The following CD33 variants were observed in gnomAD, a reference collection of about 807,000 sequenced individuals.
CD33 encodes the protein CD33 molecule.
Under a neutral mutation model 31.4 loss-of-function variants are expected in CD33, and 25 were observed. The ratio of observed to expected loss-of-function variants is 0.80; its 90% CI spans 0.58 to 1.11. The LOEUF (loss-of-function observed/expected upper bound fraction) is 1.11. CD33 is among the 50% of genes most tolerant of loss of function. CD33 has a pLI of 0.00. For missense variants in CD33, 407 were observed against 448.1 expected, an observed-to-expected ratio of 0.91 and a Z score of 0.83; for synonymous variants, 176 against 180.6, an observed-to-expected ratio of 0.97 and a Z score of 0.20.
Position 51,225,973 on chromosome 19 carries a change from C to T in CD33, c.589C>T (p.Leu197Phe), listed in dbSNP as rs1246223226. The part of the protein sequence containing the change: ...LGPRTTHSSV[L>F]IITPRPQDHG... Reference sequence around the variant, plus strand: ...CCCCAGGACTACTCACTCCTCGGTGCTCATAATCACCCCACGGCCCCAGGA... The same window carrying T: ...CCCCAGGACTACTCACTCCTCGGTGTTCATAATCACCCCACGGCCCCAGGA... Residue 197 changes from leucine to phenylalanine, a missense_variant, in exon 3 of 7, where the codon CTC (leucine) becomes TTC (phenylalanine). By Grantham distance (22) the Leu-to-Phe change is conservative. Transcript: ENST00000262262. 5 of 1,613,998 alleles carry T rather than the reference C, an allele frequency of 3.1e-6. No individual in the cohort carries two copies. In the Admixed American group the frequency reaches 5.0e-5, roughly 16 times the overall value.
intron 3 of CD33, 31 bp from the exon 4 acceptor site, chr19:51,226,278 A>C (rs1298534949): frequency 1.2e-6 from 2 of 1,607,910 alleles, no homozygotes. Flanking sequence ...CTCTACCCCC[A>C]ACTGAAGGAA....
Position 51,227,656 on chromosome 19 carries a change from C to T in CD33, c.745+1300C>T, listed in dbSNP as rs1599868198. Among the ~76,000 whole-genome samples, 7 of 152,218 alleles carry T rather than the reference C, an allele frequency of 4.6e-5. No individual in the cohort carries two copies. The South Asian group carries it at 1.5e-3, about 32-fold the overall frequency. ...ATGAATAGCTGACAAATATTTTCTCCTATTCTGTAGGTTGCCTTTTCACTC... is the reference window on the plus strand; with the variant it reads ...ATGAATAGCTGACAAATATTTTCTCTTATTCTGTAGGTTGCCTTTTCACTC... On this transcript the variant is annotated intron_variant, in intron 4 of 6. Coordinates refer to ENST00000262262, the MANE Select transcript of CD33 (RefSeq NM_001772.4).
At chr19:51,211,578 G>T in the CD33 span, 1 of 1,507,916 alleles carries the variant, frequency 6.6e-7, no homozygotes. Flanking sequence ...AGCTCTCTGT[G>T]CATGTGACAG....
At chr19:51,220,232 T>G (rs368071717), upstream of CD33, among the ~76,000 whole-genome samples, 10 of 152,354 alleles carry the variant, frequency 6.6e-5, no homozygotes, top group East Asian at 1.2e-3. Flanking sequence ...TGATTCAATC[T>G]TGGCAGAATC....
chr19:51,225,326 A>G lies in CD33; in HGVS notation c.146A>G (p.Tyr49Cys), dbSNP rs760134849. 3 of 1,614,028 alleles carry G rather than the reference A, an allele frequency of 1.9e-6. No individual in the cohort carries two copies. Among genetic ancestry groups the G allele is most frequent in the African/African-American group, 1.3e-5 (1 of 74,918 alleles). Reference protein sequence around the residue: ...VPCTFFHPIPYYDKNSPVHGY... With the variant: ...VPCTFFHPIPCYDKNSPVHGY... ...TGCACTTTCTTCCATCCCATACCCT[A>G]CTACGACAAGAACTCCCCAGTTCAT... The change falls in exon 2 of 7, where the codon TAC becomes TGC. Residue 49 changes from tyrosine (Y) to cysteine (C), a missense_variant. Tyr to Cys is a radical substitution (Grantham distance 194, BLOSUM62 -2). Transcript: ENST00000262262.
the CD33 span, chr19:51,212,168 C>G: frequency 2.2e-6 from 1 of 446,682 alleles, no homozygotes; most frequent in African/African-American, 2.1e-5. Flanking sequence ...TGGCTGTGTC[C>G]TAGAGGCCTG....
intron 4 of CD33, 21 bp downstream of exon 4, chr19:51,226,377 C>G (rs1408931491): frequency 1.2e-5 from 19 of 1,608,720 alleles, no homozygotes; most frequent in Non-Finnish European, 1.5e-5. Context: ...GCCTCCCCGC[C>G]TGGGGCTGTT....
upstream of CD33, among the ~76,000 whole-genome samples, chr19:51,223,681 G>A (rs906027961): frequency 6.6e-6 from 1 of 152,180 alleles, no homozygotes; most frequent in Non-Finnish European, 1.5e-5. Context: ...GAATGGAAAA[G>A]AAGTTTTTTC....
intron 6 of CD33, 96 bp from the exon 7 acceptor site, chr19:51,239,422 C>A (rs1476494459): frequency 2.4e-6 from 2 of 832,052 alleles, no homozygotes; most frequent in South Asian, 2.2e-5. Context: ...AATAAATGTT[C>A]TGTCAGAGTC....
At chr19:51,212,009 T>C in the CD33 span, 1 of 1,034,204 alleles carries the variant, frequency 9.7e-7, no homozygotes, top group East Asian at 2.8e-5. Context: ...ACCTCACCTG[T>C]CGAGTGACGT....
the CD33 span, chr19:51,212,001 C>T: frequency 1.8e-6 from 2 of 1,091,036 alleles, no homozygotes; most frequent in Admixed American, 1.7e-5. Context: ...CGGCACCAAC[C>T]TCACCTGTCG....
upstream of CD33, among the ~76,000 whole-genome samples, chr19:51,222,237 A>G (rs1421165507): frequency 2.0e-5 from 3 of 152,242 alleles, no homozygotes; most frequent in Non-Finnish European, 2.9e-5. Flanking sequence ...ATAAAGCAGG[A>G]CAGTATCATA....
At chr19:51,227,092 C>T (rs574138643) in intron 4 of CD33, among the ~76,000 whole-genome samples, 48 of 151,996 alleles carry the variant, frequency 3.2e-4, no homozygotes, top group Middle Eastern at 3.4e-3. Flanking sequence ...TGTGTATATA[C>T]GCCACATTTC....
At chr19:51,231,013 C>T (rs1193329765) in intron 4 of CD33, among the ~76,000 whole-genome samples, 7 of 152,208 alleles carry the variant, frequency 4.6e-5, no homozygotes, top group African/African-American at 1.7e-4. Context: ...CCCCTCATAG[C>T]CTCTGGAATG....
the CD33 span, chr19:51,211,889 G>C: frequency 6.9e-7 from 1 of 1,439,026 alleles, no homozygotes; most frequent in East Asian, 2.3e-5. Context: ...GTGAGCAGGG[G>C]ACGCCCCCCA....
At position 51,225,912 on chromosome 19, in the gene CD33, C is replaced by A; in HGVS notation, c.528C>A (p.Ile176=). The part of the protein sequence containing the change: ...SWACEQGTPP[I]FSWLSAAPTS... ...CCTGTGAGCAGGGAACACCCCCGAT[C>A]TTCTCCTGGTTGTCAGCTGCCCCCA... The change falls in exon 3 of 7, where the codon ATC becomes ATA. Residue 176 remains isoleucine, a synonymous_variant. Coordinates refer to ENST00000262262, the MANE Select transcript of CD33 (RefSeq NM_001772.4). 1.2e-6 allele frequency: 2 copies of A among 1,614,084 alleles called. No homozygotes were observed. The highest frequency in any genetic ancestry group is 1.7e-6 in the Non-Finnish European group (2 of 1,180,014).
At chr19:51,238,089 T>G (rs950845453) in intron 6 of CD33, 1 of 152,318 alleles carries the variant, frequency 6.6e-6, no homozygotes, top group East Asian at 1.9e-4. Flanking sequence ...ATATCATAGA[T>G]GTCATGGATG....
At position 51,229,004 on chromosome 19, in the gene CD33, C is replaced by T. The variant is rs74579127; in HGVS notation, c.745+2648C>T. Among the ~76,000 whole-genome samples the T allele has an allele frequency of 8.1e-3, 1,236 of 152,238 alleles. 21 individuals are homozygous for T. The highest frequency in any genetic ancestry group is 0.028 in the African/African-American group (1,181 of 41,534). On this transcript the variant is annotated intron_variant, in intron 4 of 6. Transcript: ENST00000262262. The stretch of plus-strand genomic sequence containing the variant: ...GAAAAGATTTCAGCTTTTCTCCATT[C>T]AGTATGATGTTAGCCATGGGTTTGT...
intron 6 of CD33, chr19:51,238,076 C>T (rs866971000): frequency 1.3e-5 from 2 of 152,152 alleles, no homozygotes; most frequent in South Asian, 2.1e-4. Context: ...GGTGGGTCCA[C>T]AGATATCATA....
Sources: allele counts gnomAD v4.1 joint callset (sites outside exome capture counted in the v4.1 genomes callset), GRCh38; gene constraint gnomAD v4.1.1; transcripts MANE v1.5; gene names NCBI Gene and HGNC (gene_info 2026-07-23, HGNC 2026-07-21).